ROBO3: variants seen among roughly 807,000 people sequenced by gnomAD.
The protein encoded by ROBO3 is roundabout homolog 3.
ROBO3 carries 97 observed loss-of-function variants against 160.5 expected under a neutral mutation model. That is an observed-to-expected ratio of 0.60 (90% CI 0.51 to 0.72). ROBO3 has a LOEUF of 0.72. ROBO3 is among the 30% of genes least tolerant of loss of function. The probability of loss-of-function intolerance (pLI) is 0.00; values close to 1 mark genes in which losing one functional copy is unlikely to be tolerated. For synonymous variants in ROBO3, 780 were observed against 746.2 expected (o/e 1.05, Z -0.74); for missense variants, 1,858 against 1,846.5 (o/e 1.01, Z -0.11).
Position 124,871,053 on chromosome 11 carries a change from C to T in ROBO3, c.1073C>T (p.Ala358Val), listed in dbSNP as rs1591510454. The change falls in exon 7 of 28, where the codon GCA becomes GTA. Residue 358 changes from alanine to valine, a missense_variant. Ala to Val is a moderately conservative substitution (Grantham distance 64, BLOSUM62 0). Transcript: ENST00000397801. The part of the protein sequence containing the change: ...QLVTQPQDQM[A>V]APGESVAFQC... ...GTGACCCAGCCCCAGGACCAGATGG[C>T]AGCTCCTGGAGAGAGCGTGGCTTTC... is the stretch of plus-strand genomic sequence containing the variant. The T allele has an allele frequency of 6.2e-7, 1 of 1,610,578 alleles. No homozygotes were observed. Among genetic ancestry groups the T allele is most frequent in the East Asian group, 2.2e-5 (1 of 44,762 alleles).
chr11:124,873,516 G>A lies in ROBO3; in HGVS notation c.1618+125G>A. ...TCACAAATGCCATGGTTACGGTGGTGAGGATGAGAAGGACAGTAGTGGTAC... is the reference window on the plus strand; with the variant it reads ...TCACAAATGCCATGGTTACGGTGGTAAGGATGAGAAGGACAGTAGTGGTAC... On this transcript the variant is annotated intron_variant, in intron 10 of 27. Transcript: ENST00000397801. This position sits in a 1 kb window ranked among gnomAD's most constrained non-coding sequence, Gnocchi z 4.5. 1 of 1,071,296 alleles carries A rather than the reference G, an allele frequency of 9.3e-7. No homozygotes were observed. The highest frequency in any genetic ancestry group is 2.6e-5 in the East Asian group (1 of 38,852). The allele number at this position is 1,071,296 out of a possible 1,614,324, so 66.4% of individuals were successfully genotyped here.
intron 1 of ROBO3, among the ~76,000 whole-genome samples, chr11:124,866,026 C>T (rs566255494): frequency 1.3e-5 from 2 of 152,296 alleles, no homozygotes; most frequent in South Asian, 2.1e-4. Context: ...TTGCTGGTAA[C>T]GGGCAGGGAA....
rs1365034240 is a variant in ROBO3, at chr11:124,876,367, GGCA to G, written c.2689_2691del (p.Ser897del). The G allele has an allele frequency of 7.0e-7, 1 of 1,438,032 alleles. No homozygotes were observed. The highest frequency in any genetic ancestry group is 9.1e-7 in the Non-Finnish European group (1 of 1,104,270). 89.1% of individuals were successfully genotyped at this position (1,438,032 alleles called of 1,614,324 possible). A position where few individuals can be genotyped will look rare whatever the true frequency, so the allele number is the denominator to read the frequency against. ...GCTGCGGGAGCCCGCCTTCCTCGCG[GGCA>G]GCGGCGCAGCCTGCGGGGCGCTGCT... On this transcript the variant is annotated inframe_deletion, in exon 17 of 28. Coordinates refer to ENST00000397801, the MANE Select transcript of ROBO3 (RefSeq NM_022370.4). The surrounding 1 kb of genome is among the most constrained non-coding windows in gnomAD (Gnocchi z 5.3).
chr11:124,871,426 G>A (rs1946278699), intron 7 of ROBO3, among the ~76,000 whole-genome samples: 1 of 152,224 alleles, frequency 6.6e-6, no homozygotes, highest in Non-Finnish European at 1.5e-5. Context: ...CTATCCTGAG[G>A]ATGTAACAAA....
rs1316794646 is a variant in ROBO3, at chr11:124,869,502, G to A, written c.540G>A (p.Gly180=). 2 of 1,561,020 alleles carry A rather than the reference G, an allele frequency of 1.3e-6. No individual in the cohort carries two copies. The highest frequency in any genetic ancestry group is 2.4e-5 in the South Asian group (2 of 84,620). Residue 180 remains glycine, a synonymous_variant, in exon 3 of 28, where the codon GGG becomes GGA. Transcript: ENST00000397801. The surrounding 1 kb of genome is among the most constrained non-coding windows in gnomAD (Gnocchi z 4.2). ...QSPGNVVVAV[G]EPAVLECVPP... Reference sequence around the variant, plus strand: ...CTGGAAACGTGGTGGTGGCAGTGGGGGAGCCAGCAGTACTGGAATGCGTGC... The same window carrying A: ...CTGGAAACGTGGTGGTGGCAGTGGGAGAGCCAGCAGTACTGGAATGCGTGC...
Position 124,870,740 on chromosome 11 carries a change from A to T in ROBO3, c.1033+12A>T. 1 of 1,608,830 alleles carries T rather than the reference A, an allele frequency of 6.2e-7. No individual in the cohort carries two copies. Among genetic ancestry groups the T allele is most frequent in the African/African-American group, 1.3e-5 (1 of 74,976 alleles). On this transcript the variant is annotated intron_variant, in intron 6 of 27. Transcript: ENST00000397801. ...CCTCAGTGTTCACGGTGAGGGCTGT[A>T]CTTGGGACTGCCTGCAGCAGGAATG...
rs1217116638 is a variant in ROBO3 at position 124,872,764 on chromosome 11, G to C, written c.1331-120G>C. 6 of 997,458 alleles carry C rather than the reference G, an allele frequency of 6.0e-6. No individual in the cohort carries two copies. In the South Asian group the frequency reaches 7.0e-5, roughly 12 times the overall value. The allele number at this position is 997,458 out of a possible 1,614,324, so 61.8% of individuals were successfully genotyped here. A position where few individuals can be genotyped will look rare whatever the true frequency, so the allele number is the denominator to read the frequency against. On this transcript the variant is annotated intron_variant, in intron 8 of 27. Coordinates refer to ENST00000397801, the MANE Select transcript of ROBO3 (RefSeq NM_022370.4). The surrounding 1 kb of genome is among the most constrained non-coding windows in gnomAD (Gnocchi z 4.3). Reference sequence around the variant, plus strand: ...TCAGATGATTATCAAAGCCCCCTCTGATCACCGGAAGTTTCAGGGGCTGGG... The same window carrying C: ...TCAGATGATTATCAAAGCCCCCTCTCATCACCGGAAGTTTCAGGGGCTGGG...
chr11:124,877,850 A>G (rs532774390), intron 20 of ROBO3, 87 bp from the exon 21 acceptor site: 1 of 1,190,402 alleles, frequency 8.4e-7, no homozygotes, highest in South Asian at 1.3e-5. Context: ...GAAGAAGTTG[A>G]TCCCGTGGGA....
Position 124,873,035 on chromosome 11 carries a change from T to A in ROBO3, c.1482T>A (p.Asp494Glu). The change falls in exon 9 of 28, where the codon GAT becomes GAA. Residue 494 changes from aspartate to glutamate, a missense_variant. Transcript: ENST00000397801. The surrounding 1 kb of genome is among the most constrained non-coding windows in gnomAD (Gnocchi z 4.5). ...WKKDGQWLQG[D>E]DLQFKTMANG... ...AGGATGGGCAGTGGCTGCAGGGGGA[T>A]GACCTCCAGTTCAAGACAATGGCCA... 6.2e-7 allele frequency: 1 copy of A among 1,613,946 alleles called. No individual in the cohort carries two copies. The highest frequency in any genetic ancestry group is 8.5e-7 in the Non-Finnish European group (1 of 1,179,862).
Position 124,878,670 on chromosome 11 carries a change from C to A in ROBO3, c.3407C>A (p.Pro1136Gln). The A allele has an allele frequency of 6.2e-7, 1 of 1,613,624 alleles. No homozygotes were observed. Among genetic ancestry groups the A allele is most frequent in the Non-Finnish European group, 8.5e-7 (1 of 1,179,744 alleles). Residue 1136 changes from proline to glutamine, a missense_variant, in exon 23 of 28, where the codon CCA becomes CAA. Coordinates refer to ENST00000397801, the MANE Select transcript of ROBO3 (RefSeq NM_022370.4). The surrounding 1 kb of genome is among the most constrained non-coding windows in gnomAD (Gnocchi z 4.3). ...PSSSGGCLVT[P>Q]SRRETPSPTP... ...TCCAGTGGAGGGTGCCTGGTCACCC[C>A]ATCCCGAAGGGAAACCCCCTCTCCC... is the stretch of plus-strand genomic sequence containing the variant.
chr11:124,869,891 T>G lies in ROBO3; in HGVS notation c.646-57T>G. ...TATGTATATACACATATATTCACCA[T>G]ATATATATACGCTGTGATAGCTGAA... On this transcript the variant is annotated intron_variant, in intron 3 of 27. Coordinates refer to ENST00000397801, the MANE Select transcript of ROBO3 (RefSeq NM_022370.4). This position sits in a 1 kb window ranked among gnomAD's most constrained non-coding sequence, Gnocchi z 4.2. 1 of 1,525,294 alleles carries G rather than the reference T, an allele frequency of 6.6e-7. No homozygotes were observed. Among genetic ancestry groups the G allele is most frequent in the Non-Finnish European group, 8.9e-7 (1 of 1,123,082 alleles). The allele number at this position is 1,525,294 out of a possible 1,614,324, so 94.5% of individuals were successfully genotyped here.
Position 124,868,611 on chromosome 11 carries a change from C to T in ROBO3, c.161-191C>T, listed in dbSNP as rs1033913920. 7 of 708,268 alleles carry T rather than the reference C, an allele frequency of 9.9e-6. No homozygotes were observed. In the East Asian group the frequency reaches 1.9e-4, roughly 19 times the overall value. 43.9% of individuals were successfully genotyped at this position (708,268 alleles called of 1,614,324 possible). ...TGTCTGTAGGCATCTTCCTTTGAGACGAGGAACGCGGAACGTCTGCCAATA... is the reference window on the plus strand; with the variant it reads ...TGTCTGTAGGCATCTTCCTTTGAGATGAGGAACGCGGAACGTCTGCCAATA... On this transcript the variant is annotated intron_variant, in intron 1 of 27. Transcript: ENST00000397801.
In ROBO3 at chr11:124,873,989, T is replaced by A; in HGVS notation, c.1785-81T>A. ...TTGCAAGGGGAAGACATAATGGTCGTTCATAGAGAGTGGATGAGATGGAGT... is the reference window on the plus strand; with the variant it reads ...TTGCAAGGGGAAGACATAATGGTCGATCATAGAGAGTGGATGAGATGGAGT... On this transcript the variant is annotated intron_variant, in intron 11 of 27. Transcript: ENST00000397801. The surrounding 1 kb of genome is among the most constrained non-coding windows in gnomAD (Gnocchi z 4.5). 1 of 1,593,490 alleles carries A rather than the reference T, an allele frequency of 6.3e-7. No homozygotes were observed. Among genetic ancestry groups the A allele is most frequent in the Non-Finnish European group, 8.6e-7 (1 of 1,164,704 alleles).
Position 124,875,607 on chromosome 11 carries a change from T to C in ROBO3, c.2343T>C (p.Gly781=). 1 of 1,597,328 alleles carries C rather than the reference T, an allele frequency of 6.3e-7. No homozygotes were observed. The change falls in exon 15 of 28, where the codon GGT becomes GGC. Residue 781 remains glycine, a synonymous_variant. Coordinates refer to ENST00000397801, the MANE Select transcript of ROBO3 (RefSeq NM_022370.4). ...AGGGAGTGGCGGTGGCCTTGGGGGG[T>C]GATGGCAACAGCAGTATCACTGTGT... is the stretch of plus-strand genomic sequence containing the variant. ...PPQGVAVALG[G]DGNSSITVSW...
At chr11:124,879,079 G>A (rs1388990864) in intron 23 of ROBO3, 111 bp from the exon 24 acceptor site, 16 of 1,271,446 alleles carry the variant, frequency 1.3e-5, no homozygotes, top group South Asian at 7.5e-5. Flanking sequence ...ACGGGCGGAC[G>A]GGTTGTGTCT....
chr11:124,866,303 G>A (rs975989638), intron 1 of ROBO3, among the ~76,000 whole-genome samples: 2 of 152,154 alleles, frequency 1.3e-5, no homozygotes, highest in African/African-American at 2.4e-5. Flanking sequence ...GGCCCACCCC[G>A]GCAGAGCTGT....
intron 1 of ROBO3, 82 bp from the exon 2 acceptor site, chr11:124,868,720 G>C (rs1946236629): frequency 7.3e-7 from 1 of 1,373,840 alleles, no homozygotes; most frequent in Non-Finnish European, 1.0e-6. Context: ...GGAACGACCA[G>C]AGGATTCTCT....
rs1385425631 is a variant in ROBO3 at position 124,869,910 on chromosome 11, A to T, written c.646-38A>T. The T allele has an allele frequency of 1.2e-5, 18 of 1,561,602 alleles. No individual in the cohort carries two copies. Among genetic ancestry groups the T allele is most frequent in the Non-Finnish European group, 1.6e-5 (18 of 1,152,942 alleles). On this transcript the variant is annotated intron_variant, in intron 3 of 27. Transcript: ENST00000397801. The surrounding 1 kb of genome is among the most constrained non-coding windows in gnomAD (Gnocchi z 4.2). ...TCACCATATATATATACGCTGTGAT[A>T]GCTGAAATGGACCAAAGTTACCATT...
Position 124,879,280 on chromosome 11 carries a change from C to T in ROBO3, c.3624C>T (p.Gly1208=). ...CGAGGCCTGCTGGCTTGGGTGCTGG[C>T]CCTGCAGCCTCACCCCACCTCAGCC... is the stretch of plus-strand genomic sequence containing the variant. The part of the protein sequence containing the change: ...REARPAGLGA[G]PAASPHLSPS... Residue 1208 remains glycine (G), a synonymous_variant, in exon 24 of 28, where the codon GGC becomes GGT. Transcript: ENST00000397801. 2 of 1,592,794 alleles carry T rather than the reference C, an allele frequency of 1.3e-6. No homozygotes were observed. Among genetic ancestry groups the T allele is most frequent in the Non-Finnish European group, 1.7e-6 (2 of 1,170,606 alleles).
Sources: allele counts gnomAD v4.1 joint callset (sites outside exome capture counted in the v4.1 genomes callset), GRCh38; gene constraint gnomAD v4.1.1; non-coding constraint Gnocchi (gnomAD v3.1); transcripts MANE v1.5; gene names NCBI Gene and HGNC (gene_info 2026-07-23, HGNC 2026-07-21).